TBC1D4: variants seen among roughly 807,000 people sequenced by gnomAD.
The protein encoded by TBC1D4 is TBC (Tre-2, BUB2, CDC16) domain-containing protein.
In TBC1D4, 121 loss-of-function variants were observed where a neutral mutation model predicts 142.5. The ratio of observed to expected loss-of-function variants is 0.85; its 90% CI spans 0.73 to 0.99. TBC1D4 has a LOEUF of 0.99. TBC1D4 is among the 50% of genes least tolerant of loss of function. The pLI is 0.00. For synonymous variants in TBC1D4, 630 were observed against 628.2 expected, an observed-to-expected ratio of 1.00 and a Z score of -0.04; for missense variants, 1,475 against 1,606.6, an observed-to-expected ratio of 0.92 and a Z score of 1.40.
chr13:75,377,931 T>C (rs1482242737), intron 1 of TBC1D4, among the ~76,000 whole-genome samples: 1 of 151,988 alleles, frequency 6.6e-6, no homozygotes, highest in Non-Finnish European at 1.5e-5. Context: ...TACTTCTAAT[T>C]GCTACAAATT....
At chr13:75,340,327 G>A (rs924315900) in intron 7 of TBC1D4, among the ~76,000 whole-genome samples, 2 of 152,128 alleles carry the variant, frequency 1.3e-5, no homozygotes, top group African/African-American at 4.8e-5. Flanking sequence ...TGATGTTACG[G>A]CTGGTGGTCC....
chr13:75,379,756 T>C (rs1287558444), intron 1 of TBC1D4, among the ~76,000 whole-genome samples: 2 of 152,066 alleles, frequency 1.3e-5, no homozygotes, highest in African/African-American at 4.8e-5. Flanking sequence ...CCTTTCACTC[T>C]CCTGGGTCAG....
intron 1 of TBC1D4, among the ~76,000 whole-genome samples, chr13:75,455,922 C>T (rs1887715283): frequency 2.0e-5 from 3 of 152,122 alleles, no homozygotes; most frequent in South Asian, 4.1e-4. Context: ...AACTGCCTAA[C>T]TCAAGAAGCA....
chr13:75,383,707 A>G (rs1241710279), intron 1 of TBC1D4, among the ~76,000 whole-genome samples: 1 of 148,218 alleles, frequency 6.7e-6, no homozygotes, highest in Non-Finnish European at 1.5e-5. Context: ...GTACATATGT[A>G]CAGGAAAAAA....
intron 1 of TBC1D4, among the ~76,000 whole-genome samples, chr13:75,410,099 G>C (rs576064066): frequency 6.6e-6 from 1 of 152,292 alleles, no homozygotes; most frequent in African/African-American, 2.4e-5. Flanking sequence ...TTGTTGTGAG[G>C]TTTAAATAAG....
chr13:75,315,371 C>T (rs151057874), intron 12 of TBC1D4, among the ~76,000 whole-genome samples: 156 of 104,526 alleles, frequency 1.5e-3, no homozygotes, highest in South Asian at 2.7e-3. Flanking sequence ...TATATATATA[C>T]ACACACACAC....
chr13:75,481,660 G>C lies in TBC1D4; in HGVS notation c.108C>G (p.Phe36Leu). The C allele has an allele frequency of 6.2e-7, 1 of 1,602,870 alleles. No homozygotes were observed. The highest frequency in any genetic ancestry group is 8.5e-7 in the Non-Finnish European group (1 of 1,174,936). ...PGPGKPSDKR[F>L]RLWYVGGSCL... ...ACGACCCCCCAACGTACCACAGCCG[G>C]AACCGCTTATCGCTTGGCTTCCCGG... The change falls in exon 1 of 21, where the codon TTC becomes TTG. Residue 36 changes from phenylalanine to leucine, a missense_variant. Physicochemically the swap from Phe to Leu is conservative, Grantham distance 22. Transcript: ENST00000377636.
At chr13:75,374,140 A>C (rs1322706084) in intron 1 of TBC1D4, among the ~76,000 whole-genome samples, 1 of 152,162 alleles carries the variant, frequency 6.6e-6, no homozygotes, top group East Asian at 1.9e-4. Flanking sequence ...ACCTGGAAGC[A>C]GGAGCTGTGT....
At chr13:75,325,997 A>G (rs1385380313) in intron 10 of TBC1D4, among the ~76,000 whole-genome samples, 200 bp downstream of exon 10, 1 of 152,188 alleles carries the variant, frequency 6.6e-6, no homozygotes. Flanking sequence ...TTCCACCCAA[A>G]CGAATTAACT....
intron 3 of TBC1D4, among the ~76,000 whole-genome samples, chr13:75,358,253 T>A (rs571765617): frequency 1.4e-4 from 22 of 152,338 alleles, no homozygotes; most frequent in African/African-American, 5.1e-4. Context: ...TCTGATGTGC[T>A]ACAGAATGAC....
In TBC1D4 at chr13:75,349,302, C is replaced by A. The variant is rs376984813; in HGVS notation, c.1276G>T (p.Val426Phe). 17 of 1,613,796 alleles carry A rather than the reference C, an allele frequency of 1.1e-5. No individual in the cohort carries two copies. Among genetic ancestry groups the A allele is most frequent in the Non-Finnish European group, 1.4e-5 (17 of 1,179,874 alleles). ...YVFQCASESLVDEVMLTLKQA... is the reference protein window; with the variant it reads ...YVFQCASESLFDEVMLTLKQA... Reference sequence around the variant, plus strand: ...TTCAGAGTCAGCATTACCTCATCAACCTACAGGAAGAAACAAAACTCAGGT... The same window carrying A: ...TTCAGAGTCAGCATTACCTCATCAAACTACAGGAAGAAACAAAACTCAGGT... Residue 426 changes from valine (V) to phenylalanine (F), a missense_variant and splice_region_variant, in exon 5 of 21, where the codon GTT (valine) becomes TTT (phenylalanine). Around this residue, in one of 2 missense-constraint regions of TBC1D4, gnomAD observed 1,227 missense variants for 1,267.7 expected, o/e 0.97. Transcript: ENST00000377636.
chr13:75,386,183 G>T (rs927759839), intron 1 of TBC1D4, among the ~76,000 whole-genome samples: 2 of 151,962 alleles, frequency 1.3e-5, no homozygotes, highest in African/African-American at 2.4e-5. Flanking sequence ...ACATATAAAT[G>T]CCAACTACTG....
chr13:75,439,654 T>C (rs1194221403), intron 1 of TBC1D4, among the ~76,000 whole-genome samples: 1 of 152,184 alleles, frequency 6.6e-6, no homozygotes, highest in Non-Finnish European at 1.5e-5. Context: ...GTTGTTGTCA[T>C]TGTTGTTTTG....
intron 1 of TBC1D4, among the ~76,000 whole-genome samples, chr13:75,394,738 C>T (rs912863570): frequency 3.3e-5 from 5 of 152,202 alleles, no homozygotes; most frequent in South Asian, 2.1e-4. Flanking sequence ...CTCAGTATAA[C>T]GTGCAAATCA....
At chr13:75,460,595 C>A (rs1336369482) in intron 1 of TBC1D4, among the ~76,000 whole-genome samples, 1 of 152,188 alleles carries the variant, frequency 6.6e-6, no homozygotes, top group Non-Finnish European at 1.5e-5. Context: ...GGAGCTTGAG[C>A]ATTCTCTGAG....
rs575409190 is a variant in TBC1D4, at chr13:75,467,792, A to G, written c.498+13478T>C. Among the ~76,000 whole-genome samples, 58 of 152,370 alleles carry G rather than the reference A, an allele frequency of 3.8e-4. 1 individual carries two copies. Among genetic ancestry groups the G allele is most frequent in the Middle Eastern group, 3.4e-3 (1 of 294 alleles). The stretch of plus-strand genomic sequence containing the variant: ...TATCTCAGTGGCCATGAAAAGTATA[A>G]TCGACCTACCAAAACCTCTTATTCC... On this transcript the variant is annotated intron_variant, in intron 1 of 20. Coordinates refer to ENST00000377636, the MANE Select transcript of TBC1D4 (RefSeq NM_014832.5).
At chr13:75,335,972 C>T (rs1053830360) in intron 8 of TBC1D4, among the ~76,000 whole-genome samples, 2 of 152,106 alleles carry the variant, frequency 1.3e-5, no homozygotes, top group Admixed American at 6.5e-5. Context: ...TTTTAAAGTT[C>T]TTATAGTATT....
At chr13:75,290,906 C>T (rs769241051) in intron 19 of TBC1D4, among the ~76,000 whole-genome samples, 6 of 152,164 alleles carry the variant, frequency 3.9e-5, no homozygotes, top group Non-Finnish European at 5.9e-5. Context: ...GTTCCAAACT[C>T]CCTTTCTCTA....
chr13:75,433,541 G>A (rs1472824705), intron 1 of TBC1D4, among the ~76,000 whole-genome samples: 6 of 152,156 alleles, frequency 3.9e-5, no homozygotes, highest in African/African-American at 1.4e-4. Flanking sequence ...AAAAGACAAA[G>A]GCAATGAATG....
Sources: gnomAD v4.1 joint callset for allele counts (sites outside exome capture counted in the v4.1 genomes callset) on GRCh38, gnomAD v4.1.1 for gene constraint, gnomAD v4.1.1 regional missense constraint, MANE v1.5 for transcripts, NCBI Gene and HGNC (gene_info 2026-07-23, HGNC 2026-07-21) for gene names.